The following NEK1 variants were observed in gnomAD, a reference collection of about 807,000 sequenced individuals.
NEK1 encodes NIMA related kinase 1.
NEK1 carries 137 observed loss-of-function variants against 182.1 expected under a neutral mutation model. The ratio of observed to expected loss-of-function variants is 0.75; its 90% CI spans 0.65 to 0.87. The LOEUF (loss-of-function observed/expected upper bound fraction) is 0.87, where lower values mean the gene tolerates loss of function less well. Among genes scored for constraint, NEK1 ranks in the 40% least tolerant of loss-of-function variants. The pLI, the probability that NEK1 is intolerant of heterozygous loss-of-function variation, is 0.00. For synonymous variants in NEK1, 513 were observed against 492.2 expected (o/e 1.04, Z -0.56); for missense variants, 1,391 against 1,494.4 (o/e 0.93, Z 1.14).
At chr4:169,396,398 A>AAAAAAAAAAAT (rs1730726035) in intron 35 of NEK1, among the ~76,000 whole-genome samples, 1 of 140,670 alleles carries the variant, frequency 7.1e-6, no homozygotes. Context: ...AAAAAAAAAG[A>AAAAAAAAAAAT]AGAATCTATA....
chr4:169,571,438 A>G (rs1239567105), intron 12 of NEK1, among the ~76,000 whole-genome samples: 2 of 152,178 alleles, frequency 1.3e-5, no homozygotes, highest in African/African-American at 4.8e-5. Context: ...CATTGTGGAG[A>G]AAAACAAAGC....
At chr4:169,590,635 C>T (rs916724476) in intron 6 of NEK1, 91 bp downstream of exon 6, 2 of 744,442 alleles carry the variant, frequency 2.7e-6, no homozygotes, top group Admixed American at 2.3e-5. Context: ...ATCTGATGCA[C>T]ACTAAATCAG....
intron 23 of NEK1, among the ~76,000 whole-genome samples, chr4:169,481,264 GACATTA>G (rs1336223227): frequency 6.6e-6 from 1 of 152,094 alleles, no homozygotes; most frequent in Non-Finnish European, 1.5e-5. Context: ...TGTTAATGTT[GACATTA>G]ACATTAACAT....
chr4:169,465,099 A>T lies in NEK1; in HGVS notation c.2435-1704T>A, dbSNP rs1744674768. Among the ~76,000 whole-genome samples the T allele has an allele frequency of 2.0e-5, 3 of 152,168 alleles. No individual in the cohort carries two copies. In the South Asian group the frequency reaches 6.2e-4, roughly 32 times the overall value. On this transcript the variant is annotated intron_variant, in intron 26 of 35. Coordinates refer to ENST00000507142, the MANE Select transcript of NEK1 (RefSeq NM_001199397.3). ...GTTAATGTACCAGTTCCATGAAAGT[A>T]CATGCAAATTAGCAGATAATAATTA...
chr4:169,491,162 A>AAAAAGAG lies in NEK1; in HGVS notation c.2008-11629_2008-11628insCTCTTTT, dbSNP rs1554047307. ...AAAAAAAAAAAAAAAAAAAAAAAAA[A>AAAAAGAG]AGAGAGATGGAGAAAGGCACAGAAG... On this transcript the variant is annotated intron_variant, in intron 23 of 35. Coordinates refer to ENST00000507142, the MANE Select transcript of NEK1 (RefSeq NM_001199397.3). 7.6e-4 allele frequency among the ~76,000 whole-genome samples: 93 copies of AAAAAGAG among 122,830 alleles called. 4 individuals are homozygous for AAAAAGAG. Among genetic ancestry groups the AAAAAGAG allele is most frequent in the African/African-American group, 1.6e-3 (51 of 31,248 alleles). 80.6% of individuals were successfully genotyped at this position (122,830 alleles called of 152,430 possible). A position where few individuals can be genotyped will look rare whatever the true frequency, so the allele number is the denominator to read the frequency against.
At chr4:169,593,309 C>CAATT (rs1174013942) in intron 5 of NEK1, among the ~76,000 whole-genome samples, 1 of 152,104 alleles carries the variant, frequency 6.6e-6, no homozygotes. Flanking sequence ...TATAAGCAAA[C>CAATT]AATTAAGTTT....
intron 32 of NEK1, 147 bp from the exon 33 acceptor site, chr4:169,402,007 T>C: frequency 1.7e-6 from 1 of 593,134 alleles, no homozygotes; most frequent in South Asian, 3.1e-5. Context: ...ACAAAAAATC[T>C]GGAAAAAGCC....
At chr4:169,543,050 G>C (rs892693123) in intron 18 of NEK1, among the ~76,000 whole-genome samples, 1 of 152,128 alleles carries the variant, frequency 6.6e-6, no homozygotes, top group Non-Finnish European at 1.5e-5. Context: ...TTTTAGTCAT[G>C]AAGTCTTTGA....
At position 169,577,024 on chromosome 4, in the gene NEK1, A is replaced by C. The variant is rs10034957; in HGVS notation, c.924T>G (p.Ile308Met). 421 of 1,613,632 alleles carry C rather than the reference A, an allele frequency of 2.6e-4. No homozygotes were observed. In the African/African-American group the frequency reaches 3.7e-3, roughly 14 times the overall value. Residue 308 changes from isoleucine (I) to methionine (M), a missense_variant, in exon 12 of 36, where the codon ATT becomes ATG. Physicochemically the swap from Ile to Met is conservative, Grantham distance 10. Coordinates refer to ENST00000507142, the MANE Select transcript of NEK1 (RefSeq NM_001199397.3). The part of the protein sequence containing the change: ...NSISVMPAQK[I>M]TKPAAKYGIP... ...TTCCATATTTAGCGGCAGGCTTTGT[A>C]ATTTTCTGAGCAGGCATAACAGAAA...
intron 27 of NEK1, among the ~76,000 whole-genome samples, chr4:169,446,998 T>TAGAGAG (rs58892164): frequency 6.6e-6 from 1 of 151,814 alleles, no homozygotes; most frequent in Non-Finnish European, 1.5e-5. Flanking sequence ...AACGAGGAAG[T>TAGAGAG]AGAGAGACCG....
intron 31 of NEK1, among the ~76,000 whole-genome samples, chr4:169,410,940 CA>C (rs1354332118): frequency 6.6e-6 from 1 of 152,216 alleles, no homozygotes; most frequent in Non-Finnish European, 1.5e-5. Flanking sequence ...AGGGCACTGA[CA>C]GTAAAGTGTG....
chr4:169,432,331 A>G lies in NEK1; in HGVS notation c.2885+1214T>C, dbSNP rs534827621. Among the ~76,000 whole-genome samples, 7 of 152,300 alleles carry G rather than the reference A, an allele frequency of 4.6e-5. No homozygotes were observed. In the South Asian group the frequency reaches 1.5e-3, roughly 32 times the overall value. ...CCAGTACAACCTCCAGGAGAACAAT[A>G]ACCAAATTACAAATGCAACTTATAA... On this transcript the variant is annotated intron_variant, in intron 29 of 35. Coordinates refer to ENST00000507142, the MANE Select transcript of NEK1 (RefSeq NM_001199397.3).
At position 169,508,874 on chromosome 4, in the gene NEK1, A is replaced by C. The variant is rs1234636978; in HGVS notation, c.1666-22T>G. ...TTCCCTGTTTATCATTTAATGTACTAAGTTTAAAGAATGACTAAGGCTACA... is the reference window on the plus strand; with the variant it reads ...TTCCCTGTTTATCATTTAATGTACTCAGTTTAAAGAATGACTAAGGCTACA... On this transcript the variant is annotated intron_variant, in intron 19 of 35. Transcript: ENST00000507142. 5 of 1,541,420 alleles carry C rather than the reference A, an allele frequency of 3.2e-6. No homozygotes were observed. In the East Asian group the frequency reaches 1.1e-4, roughly 35 times the overall value.
rs1580502779 is a variant in NEK1 at position 169,530,412 on chromosome 4, G to A, written c.1665+7397C>T. 2.0e-5 allele frequency among the ~76,000 whole-genome samples: 3 copies of A among 152,174 alleles called. No individual in the cohort carries two copies. The South Asian group carries it at 6.2e-4, about 32-fold the overall frequency. ...ACAACCATTCTGTTTTCCACTTTCA[G>A]TACAGTATTCAATAAGTTATATGAG... On this transcript the variant is annotated intron_variant, in intron 19 of 35. Coordinates refer to ENST00000507142, the MANE Select transcript of NEK1 (RefSeq NM_001199397.3).
intron 18 of NEK1, among the ~76,000 whole-genome samples, chr4:169,553,534 C>T (rs1451424507): frequency 2.0e-5 from 3 of 151,932 alleles, no homozygotes; most frequent in Non-Finnish European, 4.4e-5. Flanking sequence ...CAAAAAAGTT[C>T]CACTCTGCAA....
chr4:169,486,158 T>G (rs3924132), intron 23 of NEK1, among the ~76,000 whole-genome samples: 42,884 of 152,000 alleles, frequency 0.28, 8,604 homozygotes, highest in African/African-American at 0.58. Context: ...CATAATTCAG[T>G]TTTAAAAGAA....
At chr4:169,545,356 C>T (rs1332523524) in intron 18 of NEK1, among the ~76,000 whole-genome samples, 2 of 151,836 alleles carry the variant, frequency 1.3e-5, no homozygotes, top group African/African-American at 2.4e-5. Context: ...CAATTTCATC[C>T]ATGTCCCTAC....
At chr4:169,609,580 C>A (rs1403370795) in intron 2 of NEK1, among the ~76,000 whole-genome samples, 1 of 152,050 alleles carries the variant, frequency 6.6e-6, no homozygotes, top group Non-Finnish European at 1.5e-5. Flanking sequence ...TATATGCTTA[C>A]AGTTACTCAT....
chr4:169,530,733 C>T (rs1450775083), intron 19 of NEK1, among the ~76,000 whole-genome samples: 1 of 150,734 alleles, frequency 6.6e-6, no homozygotes, highest in African/African-American at 2.4e-5. Flanking sequence ...GATGTGACTA[C>T]AGAAAGATAG....
Sources: allele counts gnomAD v4.1 joint callset (sites outside exome capture counted in the v4.1 genomes callset), GRCh38; gene constraint gnomAD v4.1.1; transcripts MANE v1.5; gene names NCBI Gene and HGNC (gene_info 2026-07-23, HGNC 2026-07-21).